DLC1: variants seen among roughly 807,000 people sequenced by gnomAD.
DLC1 encodes the protein DLC1 Rho GTPase activating protein, also known as rho GTPase-activating protein 7.
In DLC1, 54 loss-of-function variants were observed where a neutral mutation model predicts 140.3. The ratio of observed to expected loss-of-function variants is 0.38; its 90% CI spans 0.31 to 0.48. DLC1 has a LOEUF of 0.48. DLC1 is among the 20% of genes least tolerant of loss of function. The probability of loss-of-function intolerance (pLI) is 0.96; values close to 1 mark genes in which losing one functional copy is unlikely to be tolerated. For synonymous variants in DLC1, 986 were observed against 728.1 expected, an observed-to-expected ratio of 1.35 and a Z score of -5.70; for missense variants, 2,536 against 1,907.0, an observed-to-expected ratio of 1.33 and a Z score of -6.14.
At chr8:13,460,387 G>A (rs1360065983) in intron 2 of DLC1, among the ~76,000 whole-genome samples, 3 of 152,146 alleles carry the variant, frequency 2.0e-5, no homozygotes, top group Non-Finnish European at 2.9e-5. Flanking sequence ...CAGATTCACC[G>A]TAAGCTCACT....
Position 13,084,425 on chromosome 8 carries a change from C to T in DLC1, c.*1386G>A, listed in dbSNP as rs1379351977. On this transcript the variant is annotated 3_prime_UTR_variant, in exon 18 of 18. Coordinates refer to ENST00000276297, the MANE Select transcript of DLC1 (RefSeq NM_182643.3). ...ACATTATTCACTTTTGATCCATACA[C>T]AATAAATTTACTAATACTGTCTCTT... 1 of 152,646 alleles carries T rather than the reference C, an allele frequency of 6.6e-6. No homozygotes were observed. Among genetic ancestry groups the T allele is most frequent in the African/African-American group, 2.4e-5 (1 of 41,528 alleles). 9.5% of individuals were successfully genotyped at this position (152,646 alleles called of 1,614,324 possible).
At chr8:13,483,118 A>G (rs558942786) in intron 2 of DLC1, among the ~76,000 whole-genome samples, 1 of 152,142 alleles carries the variant, frequency 6.6e-6, no homozygotes, top group South Asian at 2.1e-4. Context: ...GCGCTCCTCT[A>G]CTTATGGCTG....
In DLC1 at chr8:13,429,797, A is replaced by T. The variant is rs796313455; in HGVS notation, c.1024-28178T>A. ...ACAAATTTTCAGCTACGTATAACTT[A>T]AAGAATGCCAAAATATTTGTTTGGA... On this transcript the variant is annotated intron_variant, in intron 2 of 17. Coordinates refer to ENST00000276297, the MANE Select transcript of DLC1 (RefSeq NM_182643.3). 9.2e-5 allele frequency among the ~76,000 whole-genome samples: 14 copies of T among 152,336 alleles called. 1 individual carries two copies. Among genetic ancestry groups the T allele is most frequent in the African/African-American group, 3.4e-4 (14 of 41,578 alleles).
At chr8:13,593,263 T>A (rs1210061979) in intron 1 of DLC1, among the ~76,000 whole-genome samples, 1 of 152,094 alleles carries the variant, frequency 6.6e-6, no homozygotes, top group Non-Finnish European at 1.5e-5. Context: ...GCATACCAAT[T>A]TTAGAAGTAT....
At chr8:13,088,461 CA>C (rs1307461204) in intron 16 of DLC1, 25 bp downstream of exon 16, 1 of 1,612,822 alleles carries the variant, frequency 6.2e-7, no homozygotes, top group Non-Finnish European at 8.5e-7. Flanking sequence ...ATCCTTGTCA[CA>C]AAAAAACAAC....
intron 4 of DLC1, among the ~76,000 whole-genome samples, chr8:13,315,079 T>C (rs1318896738): frequency 2.0e-5 from 3 of 152,120 alleles, no homozygotes; most frequent in Admixed American, 6.5e-5. Context: ...CTGTAAGTGA[T>C]TGGGAACTAA....
At chr8:13,444,424 T>G (rs927509450) in intron 2 of DLC1, among the ~76,000 whole-genome samples, 1 of 152,154 alleles carries the variant, frequency 6.6e-6, no homozygotes, top group African/African-American at 2.4e-5. Flanking sequence ...ATTATGCACA[T>G]GTACTCTAGA....
intron 12 of DLC1, 142 bp downstream of exon 12, chr8:13,094,617 G>C (rs1818352738): frequency 2.0e-6 from 2 of 990,872 alleles, no homozygotes; most frequent in Non-Finnish European, 3.0e-6. Flanking sequence ...AGTGAGCCGA[G>C]GTCACGCCAC....
At chr8:13,130,558 C>T (rs1821996031) in intron 5 of DLC1, among the ~76,000 whole-genome samples, 1 of 152,212 alleles carries the variant, frequency 6.6e-6, no homozygotes, top group Non-Finnish European at 1.5e-5. Context: ...TTCACCTTTA[C>T]TCCAGAGCCC....
intron 1 of DLC1, among the ~76,000 whole-genome samples, chr8:13,578,152 C>T (rs1047391954): frequency 6.6e-6 from 1 of 152,092 alleles, no homozygotes; most frequent in African/African-American, 2.4e-5. Context: ...CTTTGACCTT[C>T]AGTAACTCAG....
At chr8:13,345,547 C>CTTTTTTTTATTTTTTTTTTTT (rs1834291061) in intron 4 of DLC1, among the ~76,000 whole-genome samples, 1 of 67,520 alleles carries the variant, frequency 1.5e-5, no homozygotes, top group Non-Finnish European at 2.6e-5. Flanking sequence ...TTCACTCACA[C>CTTTTTTTTATTTTTTTTTTTT]TTTTTTTTTT....
At chr8:13,326,514 C>A (rs1007316318) in intron 4 of DLC1, among the ~76,000 whole-genome samples, 1 of 152,190 alleles carries the variant, frequency 6.6e-6, no homozygotes, top group African/African-American at 2.4e-5. Flanking sequence ...TTTCCCTACC[C>A]CAACTGGAGC....
At chr8:13,570,001 C>T (rs573907074) in intron 1 of DLC1, among the ~76,000 whole-genome samples, 3 of 152,322 alleles carry the variant, frequency 2.0e-5, no homozygotes, top group South Asian at 2.1e-4. Flanking sequence ...GCTGGGATTG[C>T]AGGCACGAGC....
At chr8:13,289,852 C>G (rs994535374) in intron 5 of DLC1, among the ~76,000 whole-genome samples, 1 of 152,138 alleles carries the variant, frequency 6.6e-6, no homozygotes, top group Non-Finnish European at 1.5e-5. Context: ...CCTGCCATGT[C>G]TGCATATGGA....
At position 13,204,907 on chromosome 8, in the gene DLC1, G is replaced by A. The variant is rs1296899844; in HGVS notation, c.1349-89250C>T. On this transcript the variant is annotated intron_variant, in intron 5 of 17. Transcript: ENST00000276297. ...AAGTGGAAAGAAAGCTTTTCAATCA[G>A]TTTCTGGTACAAGCACCTGTCTTAC... Among the ~76,000 whole-genome samples, 4 of 152,270 alleles carry A rather than the reference G, an allele frequency of 2.6e-5. No individual in the cohort carries two copies. In the East Asian group the frequency reaches 7.7e-4, roughly 29 times the overall value.
intron 1 of DLC1, among the ~76,000 whole-genome samples, chr8:13,520,795 C>T (rs534576371): frequency 2.2e-3 from 341 of 152,144 alleles, no homozygotes; most frequent in African/African-American, 7.9e-3. Context: ...TCTGTGTGTG[C>T]CCTGCCCATA....
intron 5 of DLC1, among the ~76,000 whole-genome samples, chr8:13,298,397 T>C (rs1832047742): frequency 6.6e-6 from 1 of 152,198 alleles, no homozygotes; most frequent in Non-Finnish European, 1.5e-5. Flanking sequence ...TGGAGAAGGT[T>C]AAATAAAAAG....
intron 1 of DLC1, among the ~76,000 whole-genome samples, chr8:13,573,796 A>T (rs1030144708): frequency 6.6e-6 from 1 of 152,216 alleles, no homozygotes; most frequent in Non-Finnish European, 1.5e-5. Context: ...ATTCAGAATT[A>T]AAGTCAGTAG....
intron 2 of DLC1, among the ~76,000 whole-genome samples, chr8:13,467,325 T>C (rs112583184): frequency 6.6e-6 from 1 of 152,220 alleles, no homozygotes; most frequent in African/African-American, 2.4e-5. Context: ...AATGATAGTA[T>C]GTTCCCATTT....
Sources: gnomAD v4.1 joint callset for allele counts (sites outside exome capture counted in the v4.1 genomes callset) on GRCh38, gnomAD v4.1.1 for gene constraint, MANE v1.5 for transcripts, NCBI Gene and HGNC (gene_info 2026-07-23, HGNC 2026-07-21) for gene names.